DGKK: variants seen among roughly 807,000 people sequenced by gnomAD.
The protein encoded by DGKK is 142 kDa diacylglycerol kinase.
In DGKK, 35 loss-of-function variants were observed where a neutral mutation model predicts 92.2. The ratio of observed to expected loss-of-function variants is 0.38; its 90% confidence interval spans 0.29 to 0.50. The LOEUF is 0.50. Among genes scored for constraint, DGKK ranks in the 20% least tolerant of loss-of-function variants. The pLI is 0.92. For missense variants in DGKK, 910 were observed against 992.2 expected (o/e 0.92, Z 1.11); for synonymous variants, 368 against 360.6 (o/e 1.02, Z -0.23).
chrX:50,417,951 T>C (rs1557228729), intron 4 of DGKK, among the ~76,000 whole-genome samples: 1 of 111,477 alleles, frequency 9.0e-6, no homozygotes, highest in Non-Finnish European at 1.9e-5. Context: ...TCCTAAACTT[T>C]TCTGGTGAAA....
At chrX:50,415,568 C>G (rs1242398890) in intron 4 of DGKK, among the ~76,000 whole-genome samples, 1 of 111,645 alleles carries the variant, frequency 9.0e-6, no homozygotes, top group African/African-American at 3.3e-5. Context: ...TGCTTTTGCA[C>G]CATTGTAAAG....
chrX:50,376,044 C>A lies in DGKK; in HGVS notation c.3394G>T (p.Ala1132Ser), dbSNP rs782588606. The change falls in exon 24 of 28, where the codon GCT becomes TCT. Residue 1132 changes from alanine to serine, a missense_variant. Ala to Ser is a moderately conservative substitution (Grantham distance 99, BLOSUM62 1). Coordinates refer to ENST00000611977, the MANE Select transcript of DGKK (RefSeq NM_001013742.4). ...CTTACTTCAATGGGAATACAGGAAG[C>A]TGCACCCATCTCATTGCCACTGTCT... The part of the protein sequence containing the change: ...GQDSGNEMGA[A>S]SCIPIETLSR... 1 of 1,211,121 alleles carries A rather than the reference C, an allele frequency of 8.3e-7. No individual in the cohort carries two copies. Among genetic ancestry groups the A allele is most frequent in the Admixed American group, 2.2e-5 (1 of 46,010 alleles).
At chrX:50,458,714 G>A (rs782072682) in intron 1 of DGKK, among the ~76,000 whole-genome samples, 2 of 110,549 alleles carry the variant, frequency 1.8e-5, no homozygotes, top group Non-Finnish European at 3.8e-5. Flanking sequence ...AAATTTTGTC[G>A]GTTGCGTTTA....
In DGKK at chrX:50,461,302, A is replaced by G. The variant is rs781960621; in HGVS notation, c.645+8732T>C. On this transcript the variant is annotated intron_variant, in intron 1 of 27. Transcript: ENST00000611977. ...AATAATGAACACGATCTAATAATTA[A>G]GCGTGTGGGGCTGTGACTGGGGCAG... Among the ~76,000 whole-genome samples the G allele has an allele frequency of 5.3e-5, 6 of 112,254 alleles. No individual in the cohort carries two copies. In the East Asian group the frequency reaches 1.7e-3, roughly 32 times the overall value.
chrX:50,452,011 C>A (rs541269920), intron 1 of DGKK, among the ~76,000 whole-genome samples: 5 of 112,114 alleles, frequency 4.5e-5, no homozygotes, highest in African/African-American at 1.6e-4. Context: ...TAGGGGCTAC[C>A]ATAGTTTTAA....
At chrX:50,393,044 T>C in intron 9 of DGKK, 108 bp downstream of exon 9, 1 of 688,852 alleles carries the variant, frequency 1.5e-6, no homozygotes. Flanking sequence ...AAATAGACCT[T>C]TCCTGCCCAA....
intron 20 of DGKK, among the ~76,000 whole-genome samples, chrX:50,379,316 A>C (rs1924353581): frequency 2.3e-5 from 2 of 88,708 alleles, no homozygotes; most frequent in South Asian, 1.0e-3. Flanking sequence ...ACTCCGTTTC[A>C]AAAAAAAAAA....
chrX:50,444,118 A>G (rs1926232102), intron 1 of DGKK, among the ~76,000 whole-genome samples: 1 of 110,894 alleles, frequency 9.0e-6, no homozygotes, highest in African/African-American at 3.3e-5. Context: ...GCTGCTATGA[A>G]TATTTGTGTG....
At chrX:50,399,052 G>C (rs1361344394) in intron 8 of DGKK, among the ~76,000 whole-genome samples, 5 of 112,333 alleles carry the variant, frequency 4.5e-5, no homozygotes, top group Non-Finnish European at 7.5e-5. Context: ...AACTATTTGA[G>C]TAGATCTGAG....
chrX:50,468,838 C>T (rs1926977871), intron 1 of DGKK, among the ~76,000 whole-genome samples: 1 of 103,529 alleles, frequency 9.7e-6, no homozygotes, highest in Admixed American at 1.1e-4. Context: ...CGGTATTGTT[C>T]GTGTGTTGTG....
At chrX:50,450,030 T>A (rs1248567507) in intron 1 of DGKK, among the ~76,000 whole-genome samples, 1 of 111,653 alleles carries the variant, frequency 9.0e-6, no homozygotes, top group African/African-American at 3.3e-5. Flanking sequence ...TGGCTGCAAA[T>A]AATTGTGGTC....
In DGKK at chrX:50,470,766, G is replaced by A; in HGVS notation, c.-88C>T. The A allele has an allele frequency of 4.9e-6, 5 of 1,021,965 alleles. No homozygotes were observed. In the South Asian group the frequency reaches 1.2e-4, roughly 25 times the overall value. 84.2% of individuals were successfully genotyped at this position (1,021,965 alleles called of 1,213,427 possible). ...TCGGGCGCCCCGCCCACTCCAGTCC[G>A]GCAGCCCCTCGCAGGGTGCCAAACT... On this transcript the variant is annotated 5_prime_UTR_variant, in exon 1 of 28. Transcript: ENST00000611977.
intron 25 of DGKK, among the ~76,000 whole-genome samples, chrX:50,372,721 C>T (rs1408079236): frequency 8.9e-6 from 1 of 112,240 alleles, no homozygotes; most frequent in African/African-American, 3.2e-5. Context: ...GGACCATCTT[C>T]GACTCAGAAG....
At position 50,470,577 on chromosome X, in the gene DGKK, T is replaced by TGGC. The variant is rs1569545354; in HGVS notation, c.99_101dup (p.Pro37dup). 4 of 1,201,618 alleles carry TGGC rather than the reference T, an allele frequency of 3.3e-6. No individual in the cohort carries two copies. Among genetic ancestry groups the TGGC allele is most frequent in the South Asian group, 1.8e-5 (1 of 56,656 alleles). On this transcript the variant is annotated inframe_insertion, in exon 1 of 28. Coordinates refer to ENST00000611977, the MANE Select transcript of DGKK (RefSeq NM_001013742.4). ...GAGCCGGCGGCGGAGCCGGTGGTGG[T>TGGC]GGCGGCGGCGGCCAAGGCGGCGGAG... is the stretch of plus-strand genomic sequence containing the variant.
rs139816392 is a variant in DGKK at position 50,419,652 on chromosome X, C to G, written c.942+751G>C. 8.6e-3 allele frequency among the ~76,000 whole-genome samples: 967 copies of G among 111,963 alleles called. 7 individuals are homozygous for G. Among genetic ancestry groups the G allele is most frequent in the Middle Eastern group, 0.041 (9 of 217 alleles). ...TCAAAAGATATTTATTGTGCCTTTA[C>G]TATGTGCCAGAGACCGCTGTAAGTA... On this transcript the variant is annotated intron_variant, in intron 4 of 27. Transcript: ENST00000611977.
At chrX:50,407,581 T>C (rs782004642) in intron 4 of DGKK, among the ~76,000 whole-genome samples, 4 of 111,572 alleles carry the variant, frequency 3.6e-5, no homozygotes, top group African/African-American at 9.8e-5. Context: ...CCCCACCCTA[T>C]GGCCACATTT....
At chrX:50,393,485 AC>A in intron 8 of DGKK, 150 bp from the exon 9 acceptor site, 1 of 465,728 alleles carries the variant, frequency 2.1e-6, no homozygotes, top group Non-Finnish European at 3.6e-6. Flanking sequence ...TCAAGATACC[AC>A]CCAGAGGGGC....
intron 8 of DGKK, among the ~76,000 whole-genome samples, chrX:50,396,101 T>C (rs1924844772): frequency 8.9e-6 from 1 of 112,228 alleles, no homozygotes; most frequent in African/African-American, 3.2e-5. Flanking sequence ...TACGTTATGG[T>C]GTATCCATAC....
chrX:50,410,038 C>A (rs1925267004), intron 4 of DGKK, among the ~76,000 whole-genome samples: 1 of 111,932 alleles, frequency 8.9e-6, no homozygotes, highest in African/African-American at 3.3e-5. Context: ...TTTTAAGCCA[C>A]CTAGTCTGTG....
Sources: gnomAD v4.1 joint callset for allele counts (sites outside exome capture counted in the v4.1 genomes callset) on GRCh38, gnomAD v4.1.1 for gene constraint, MANE v1.5 for transcripts, NCBI Gene and HGNC (gene_info 2026-07-23, HGNC 2026-07-21) for gene names.